FRMD4A: variants seen among roughly 807,000 people sequenced by gnomAD.
FRMD4A encodes FERM domain containing 4A.
Under a neutral mutation model 129.1 loss-of-function variants are expected in FRMD4A, and 29 were observed. That is an observed-to-expected ratio of 0.22 (90% CI 0.17 to 0.31). The LOEUF (loss-of-function observed/expected upper bound fraction) is 0.31, where lower values mean the gene tolerates loss of function less well. Among genes scored for constraint, FRMD4A ranks in the 10% least tolerant of loss-of-function variants. The pLI, the probability that FRMD4A is intolerant of heterozygous loss-of-function variation, is 1.00. For synonymous variants in FRMD4A, 634 were observed against 571.6 expected, an observed-to-expected ratio of 1.11 and a Z score of -1.56; for missense variants, 1,272 against 1,375.8, an observed-to-expected ratio of 0.92 and a Z score of 1.19.
At chr10:14,242,672 A>C (rs1844090293) in intron 2 of FRMD4A, among the ~76,000 whole-genome samples, 1 of 152,216 alleles carries the variant, frequency 6.6e-6, no homozygotes, top group Non-Finnish European at 1.5e-5. Context: ...CGATAGATGG[A>C]ACACAAGAGG....
intron 2 of FRMD4A, chr10:14,074,540 C>A (rs1404701420): frequency 6.6e-6 from 1 of 152,198 alleles, no homozygotes; most frequent in East Asian, 1.9e-4. Context: ...GGCGCAATGC[C>A]CATGGGGATT....
chr10:14,130,924 C>G (rs989889495), intron 2 of FRMD4A, among the ~76,000 whole-genome samples: 9 of 152,292 alleles, frequency 5.9e-5, no homozygotes, highest in South Asian at 2.1e-4. Flanking sequence ...CAAATTGTAG[C>G]CCAAGTCAGA....
chr10:13,773,119 A>C (rs2092505151), intron 6 of FRMD4A, among the ~76,000 whole-genome samples: 1 of 152,220 alleles, frequency 6.6e-6, no homozygotes, highest in Non-Finnish European at 1.5e-5. Flanking sequence ...AAAAAACCAA[A>C]GTAAACATGG....
intron 6 of FRMD4A, among the ~76,000 whole-genome samples, chr10:13,770,532 C>T (rs1329188202): frequency 6.6e-6 from 1 of 152,194 alleles, no homozygotes; most frequent in Non-Finnish European, 1.5e-5. Context: ...CAGCCTTGAA[C>T]TCCTGAGCTC....
At chr10:14,164,896 G>A (rs192315201) in intron 2 of FRMD4A, among the ~76,000 whole-genome samples, 1 of 152,032 alleles carries the variant, frequency 6.6e-6, no homozygotes, top group Non-Finnish European at 1.5e-5. Context: ...TTTCTCTTTT[G>A]CTCATCACCT....
chr10:13,997,422 T>G (rs981716737), intron 2 of FRMD4A, among the ~76,000 whole-genome samples: 2 of 152,160 alleles, frequency 1.3e-5, no homozygotes, highest in Non-Finnish European at 2.9e-5. Context: ...TCTGCATTAT[T>G]CATCACTTCC....
chr10:14,127,976 TTCCTTC>T lies in FRMD4A; in HGVS notation c.45+202076_45+202081del, dbSNP rs1425978229. On this transcript the variant is annotated intron_variant, in intron 2 of 24. Coordinates refer to ENST00000357447, the MANE Select transcript of FRMD4A (RefSeq NM_018027.5). ...TTTCTTTCTTTCTTTCTTTCTTTCT[TTCCTTC>T]TCTCTCTCTCTCTCTCTCTTTCTTT... Among the ~76,000 whole-genome samples, 200 of 22,248 alleles carry T rather than the reference TTCCTTC, an allele frequency of 9.0e-3. 14 individuals are homozygous for T. The highest frequency in any genetic ancestry group is 0.045 in the Middle Eastern group (2 of 44). The allele number at this position is 22,248 out of a possible 152,430, so 14.6% of individuals were successfully genotyped here. A position where few individuals can be genotyped will look rare whatever the true frequency, so the allele number is the denominator to read the frequency against.
chr10:13,943,674 A>AAAAAAG lies in FRMD4A; in HGVS notation c.46-84768_46-84763dup, dbSNP rs1565085945. On this transcript the variant is annotated intron_variant, in intron 2 of 24. Transcript: ENST00000357447. ...AAAAAAAAAAAAAAAAAAAAAAAAA[A>AAAAAAG]AAAAAGAAAAAGAAAAGAAAGAAAG... is the stretch of plus-strand genomic sequence containing the variant. 2.3e-4 allele frequency among the ~76,000 whole-genome samples: 31 copies of AAAAAAG among 134,362 alleles called. 1 individual carries two copies. The highest frequency in any genetic ancestry group is 7.7e-4 in the African/African-American group (28 of 36,164). The allele number at this position is 134,362 out of a possible 152,430, so 88.1% of individuals were successfully genotyped here.
At chr10:14,206,577 C>G (rs1842786137) in intron 2 of FRMD4A, among the ~76,000 whole-genome samples, 1 of 151,928 alleles carries the variant, frequency 6.6e-6, no homozygotes, top group Admixed American at 6.6e-5. Flanking sequence ...GCAGGAGGAT[C>G]ACTTGAGGTC....
intron 12 of FRMD4A, among the ~76,000 whole-genome samples, chr10:13,709,560 T>G (rs2087805269): frequency 6.6e-6 from 1 of 152,186 alleles, no homozygotes; most frequent in South Asian, 2.1e-4. Flanking sequence ...ATGTGTGTGC[T>G]GCAAATCCTT....
At chr10:13,650,732 G>C (rs2081508133) in intron 24 of FRMD4A, among the ~76,000 whole-genome samples, 1 of 152,062 alleles carries the variant, frequency 6.6e-6, no homozygotes. Context: ...CAAAAGTCCA[G>C]TTTTTTCTCT....
At chr10:14,215,634 C>T (rs1179699605) in intron 2 of FRMD4A, among the ~76,000 whole-genome samples, 3 of 151,956 alleles carry the variant, frequency 2.0e-5, no homozygotes, top group African/African-American at 4.8e-5. Flanking sequence ...CCACCGAATA[C>T]GGTGGCAAGG....
chr10:14,276,840 G>A (rs371373106), intron 2 of FRMD4A, among the ~76,000 whole-genome samples: 8 of 152,022 alleles, frequency 5.3e-5, no homozygotes, highest in Admixed American at 4.6e-4. Flanking sequence ...TCTAAACTTC[G>A]GGCTGGGATT....
Position 13,737,834 on chromosome 10 carries a change from C to A in FRMD4A, c.759+10G>T, listed in dbSNP as rs1379319386. On this transcript the variant is annotated intron_variant, in intron 12 of 24. Transcript: ENST00000357447. ...AGAGGAGTTAAACCCAAGCAGGAGA[C>A]CAGCCTTACCTTTCTTGGCTTCACT... 1 of 1,508,218 alleles carries A rather than the reference C, an allele frequency of 6.6e-7. No individual in the cohort carries two copies. The highest frequency in any genetic ancestry group is 1.1e-5 in the South Asian group (1 of 88,782). The allele number at this position is 1,508,218 out of a possible 1,614,324, so 93.4% of individuals were successfully genotyped here. A position where few individuals can be genotyped will look rare whatever the true frequency, so the allele number is the denominator to read the frequency against.
chr10:14,003,027 G>A lies in FRMD4A; in HGVS notation c.46-144115C>T, dbSNP rs144325448. On this transcript the variant is annotated intron_variant, in intron 2 of 24. Coordinates refer to ENST00000357447, the MANE Select transcript of FRMD4A (RefSeq NM_018027.5). ...GCCTTGTGATTTGTCCTTATCCTGA[G>A]GCAGGGAGCCACTTAAGGGTTTCAG... Among the ~76,000 whole-genome samples, 21 of 152,294 alleles carry A rather than the reference G, an allele frequency of 1.4e-4. No individual in the cohort carries two copies. The East Asian group carries it at 4.1e-3, about 29-fold the overall frequency.
In FRMD4A at chr10:13,784,495, A is replaced by C. The variant is rs1919456; in HGVS notation, c.300-1489T>G. Among the ~76,000 whole-genome samples the C allele has an allele frequency of 1.1e-3, 164 of 152,162 alleles. 1 individual carries two copies. Among genetic ancestry groups the C allele is most frequent in the Non-Finnish European group, 2.1e-3 (140 of 68,002 alleles). ...ATTCATTTATAGTAATTAATTTAAA[A>C]ATGAATTCTTCTAATCAATACAATC... On this transcript the variant is annotated intron_variant, in intron 5 of 24. Transcript: ENST00000357447.
chr10:13,770,299 A>T (rs1288366648), intron 6 of FRMD4A, among the ~76,000 whole-genome samples: 1 of 152,146 alleles, frequency 6.6e-6, no homozygotes, highest in Non-Finnish European at 1.5e-5. Context: ...ATGATCCACG[A>T]GGTGAATGCC....
chr10:14,263,203 A>G (rs1316129713), intron 2 of FRMD4A, among the ~76,000 whole-genome samples: 1 of 152,208 alleles, frequency 6.6e-6, no homozygotes, highest in African/African-American at 2.4e-5. Flanking sequence ...AGGAGCTGGC[A>G]TGACAGCCCG....
intron 2 of FRMD4A, among the ~76,000 whole-genome samples, chr10:14,110,887 A>G (rs1327001): frequency 0.51 from 77,913 of 151,990 alleles, 21,792 homozygotes; most frequent in East Asian, 0.72. Flanking sequence ...GCTGGAGTGC[A>G]GTGGTGCAGT....
Sources: allele counts gnomAD v4.1 joint callset (sites outside exome capture counted in the v4.1 genomes callset), GRCh38; gene constraint gnomAD v4.1.1; transcripts MANE v1.5; gene names NCBI Gene and HGNC (gene_info 2026-07-23, HGNC 2026-07-21).